PTPRG: variants seen among roughly 807,000 people sequenced by gnomAD.
PTPRG encodes receptor-type tyrosine-protein phosphatase gamma.
Under a neutral mutation model 165.3 loss-of-function variants are expected in PTPRG, and 102 were observed. That is an observed-to-expected ratio of 0.62 (90% CI 0.53 to 0.73). PTPRG has a LOEUF of 0.73. Ranked by LOEUF, PTPRG falls within the 30% of genes least tolerant of loss-of-function variation. The pLI is 0.00. For missense variants in PTPRG, 1,866 were observed against 1,861.4 expected (o/e 1.00, Z -0.05); for synonymous variants, 675 against 669.5 (o/e 1.01, Z -0.13).
chr3:61,879,187 T>G (rs573377135), intron 2 of PTPRG, among the ~76,000 whole-genome samples: 7 of 152,326 alleles, frequency 4.6e-5, no homozygotes, highest in African/African-American at 1.4e-4. Context: ...TGCTGTTCAC[T>G]TTACATGGTG....
chr3:62,110,846 G>T lies in PTPRG; in HGVS notation c.616-21756G>T, dbSNP rs139027066. ...AAGTTGGTAGGTTCTCTGTAATCAA[G>T]GAAAATAAATAGTTTCTGACACTAG... is the stretch of plus-strand genomic sequence containing the variant. On this transcript the variant is annotated intron_variant, in intron 5 of 29. Transcript: ENST00000474889. 1.5e-3 allele frequency among the ~76,000 whole-genome samples: 233 copies of T among 152,290 alleles called. 3 individuals carry two copies. Among genetic ancestry groups the T allele is most frequent in the South Asian group, 0.011 (55 of 4,828 alleles).
At chr3:61,837,075 C>T (rs372739055) in intron 2 of PTPRG, among the ~76,000 whole-genome samples, 9 of 152,130 alleles carry the variant, frequency 5.9e-5, no homozygotes, top group East Asian at 5.8e-4. Flanking sequence ...TCATCATGCC[C>T]GGCCAATTTT....
chr3:62,166,401 A>G (rs1197526785), intron 7 of PTPRG, among the ~76,000 whole-genome samples: 2 of 150,948 alleles, frequency 1.3e-5, no homozygotes, highest in East Asian at 2.0e-4. Context: ...CAGTGGCACA[A>G]TCTCGGTGCA....
intron 2 of PTPRG, among the ~76,000 whole-genome samples, chr3:61,753,285 A>G (rs1445723616): frequency 2.6e-5 from 4 of 152,214 alleles, no homozygotes; most frequent in Non-Finnish European, 4.4e-5. Context: ...TCCTTGTACC[A>G]ACATAGTAGG....
At chr3:61,644,326 A>G (rs1055428144) in intron 1 of PTPRG, among the ~76,000 whole-genome samples, 8 of 152,210 alleles carry the variant, frequency 5.3e-5, no homozygotes, top group African/African-American at 1.9e-4. Flanking sequence ...CCCATAAGTA[A>G]AAATTGCATG....
intron 1 of PTPRG, among the ~76,000 whole-genome samples, chr3:61,721,275 T>C (rs2032032673): frequency 6.6e-6 from 1 of 152,208 alleles, no homozygotes; most frequent in Non-Finnish European, 1.5e-5. Context: ...TAATATAGTA[T>C]CATCAGTTTT....
intron 2 of PTPRG, among the ~76,000 whole-genome samples, chr3:61,920,194 A>G (rs990785964): frequency 6.6e-6 from 1 of 152,112 alleles, no homozygotes; most frequent in Non-Finnish European, 1.5e-5. Flanking sequence ...ACACTCCCCT[A>G]CTTAATACCA....
rs1705071955 is a variant in PTPRG at position 62,168,170 on chromosome 3, T to A, written c.1033+7T>A. On this transcript the variant is annotated splice_region_variant and intron_variant, in intron 8 of 29. Coordinates refer to ENST00000474889, the MANE Select transcript of PTPRG (RefSeq NM_002841.4). Reference sequence around the variant, plus strand: ...GGGACAGAAGCCTCTAAAGGTATATTTGGCTTAAGTGCCTTGCCCAGAGGA... The same window carrying A: ...GGGACAGAAGCCTCTAAAGGTATATATGGCTTAAGTGCCTTGCCCAGAGGA... 2 of 1,604,356 alleles carry A rather than the reference T, an allele frequency of 1.2e-6. No homozygotes were observed. Among genetic ancestry groups the A allele is most frequent in the Non-Finnish European group, 1.7e-6 (2 of 1,174,938 alleles).
chr3:62,109,593 G>T lies in PTPRG; in HGVS notation c.616-23009G>T, dbSNP rs377227472. Among the ~76,000 whole-genome samples, 10 of 152,158 alleles carry T rather than the reference G, an allele frequency of 6.6e-5. No homozygotes were observed. The East Asian group carries it at 1.5e-3, about 24-fold the overall frequency. ...TCCCACATTCCTCCTTTAATAGCTG[G>T]TGCAGCAGTGGGTTGTGCCTGTAGA... On this transcript the variant is annotated intron_variant, in intron 5 of 29. Transcript: ENST00000474889.
intron 6 of PTPRG, among the ~76,000 whole-genome samples, chr3:62,134,264 C>A (rs1251310704): frequency 6.6e-6 from 1 of 152,164 alleles, no homozygotes; most frequent in African/African-American, 2.4e-5. Flanking sequence ...TCAGATGAGA[C>A]CTGCAAAATA....
In PTPRG at chr3:61,910,767, CT is replaced by C. The variant is rs1559683660; in HGVS notation, c.191-78857del. On this transcript the variant is annotated intron_variant, in intron 2 of 29. Coordinates refer to ENST00000474889, the MANE Select transcript of PTPRG (RefSeq NM_002841.4). ...CCACCTGCTTTCCCCACAGAACCCC[CT>C]GCCTCTGTTCGGTGCAGCCAGGAGG... Among the ~76,000 whole-genome samples the C allele has an allele frequency of 2.9e-4, 44 of 152,310 alleles. 1 individual carries two copies.
chr3:61,684,771 A>T (rs1703567236), intron 1 of PTPRG, among the ~76,000 whole-genome samples: 1 of 152,206 alleles, frequency 6.6e-6, no homozygotes, highest in African/African-American at 2.4e-5. Context: ...TGCCTGTGAG[A>T]TTCCAAGGTA....
intron 2 of PTPRG, among the ~76,000 whole-genome samples, chr3:61,870,798 G>T (rs1016104090): frequency 6.6e-6 from 1 of 151,940 alleles, no homozygotes; most frequent in Non-Finnish European, 1.5e-5. Context: ...TAAAATAGAG[G>T]CATTCATAGT....
chr3:61,682,106 G>C (rs934834024), intron 1 of PTPRG, among the ~76,000 whole-genome samples: 11 of 136,642 alleles, frequency 8.1e-5, no homozygotes, highest in African/African-American at 3.0e-4. Flanking sequence ...CCGAGATTGT[G>C]TGACTGCACT....
chr3:61,749,653 C>T (rs183349351), intron 2 of PTPRG: 1 of 154,212 alleles, frequency 6.5e-6, no homozygotes, highest in East Asian at 1.9e-4. Context: ...CCAAAACTCC[C>T]AAAATATGAG....
chr3:61,714,237 G>T (rs1559570299), intron 1 of PTPRG, among the ~76,000 whole-genome samples: 1 of 152,078 alleles, frequency 6.6e-6, no homozygotes, highest in Admixed American at 6.6e-5. Flanking sequence ...GTTGCTGATT[G>T]TCTTCTATTA....
intron 2 of PTPRG, among the ~76,000 whole-genome samples, chr3:61,985,892 C>G (rs977482224): frequency 2.0e-5 from 3 of 152,166 alleles, no homozygotes; most frequent in Non-Finnish European, 4.4e-5. Flanking sequence ...TGGATTCTTT[C>G]ATGGACATCT....
chr3:62,149,188 C>T (rs1055882708), intron 6 of PTPRG, among the ~76,000 whole-genome samples: 2 of 152,048 alleles, frequency 1.3e-5, no homozygotes, highest in Non-Finnish European at 2.9e-5. Context: ...TGAGAATCAA[C>T]ACCCTGCTAT....
At chr3:62,017,134 C>A (rs1244460816) in intron 4 of PTPRG, among the ~76,000 whole-genome samples, 3 of 152,174 alleles carry the variant, frequency 2.0e-5, no homozygotes, top group African/African-American at 7.2e-5. Flanking sequence ...AACATAGTCC[C>A]ATAACAGCGT....
Sources: gnomAD v4.1 joint callset for allele counts (sites outside exome capture counted in the v4.1 genomes callset) on GRCh38, gnomAD v4.1.1 for gene constraint, MANE v1.5 for transcripts, NCBI Gene and HGNC (gene_info 2026-07-23, HGNC 2026-07-21) for gene names.